Variants in ZNF532 observed in about 807,000 individuals in gnomAD.
The protein encoded by ZNF532 is zinc finger protein 532.
In ZNF532, 22 loss-of-function variants were observed where a neutral mutation model predicts 89.3. The observed-to-expected ratio is 0.25, with a 90% CI of 0.18 to 0.35. The LOEUF is 0.35. ZNF532 is among the 10% of genes least tolerant of loss of function. The pLI, the probability that ZNF532 is intolerant of heterozygous loss-of-function variation, is 1.00. For missense variants in ZNF532, 1,132 were observed against 1,643.4 expected (o/e 0.69, Z 5.38); for synonymous variants, 606 against 649.6 (o/e 0.93, Z 1.02).
intron 2 of ZNF532, among the ~76,000 whole-genome samples, chr18:58,899,825 C>T (rs539350001): frequency 1.3e-5 from 2 of 152,296 alleles, no homozygotes; most frequent in Admixed American, 6.5e-5. Context: ...AATTTTCATA[C>T]CTTTTCTCTT....
In ZNF532 at chr18:58,889,729, C is replaced by T. The variant is rs547001497; in HGVS notation, c.-18+24150C>T. Reference sequence around the variant, plus strand: ...TGGAGGTTGCGGTGAGCCGAGGTCACGCCACTGCACTCCAGCCTGGGTGAC... The same window carrying T: ...TGGAGGTTGCGGTGAGCCGAGGTCATGCCACTGCACTCCAGCCTGGGTGAC... On this transcript the variant is annotated intron_variant, in intron 2 of 9. Coordinates refer to ENST00000591808, the MANE Select transcript of ZNF532 (RefSeq NM_001375912.1). 4.6e-5 allele frequency among the ~76,000 whole-genome samples: 7 copies of T among 151,334 alleles called. No homozygotes were observed. The South Asian group carries it at 8.4e-4, about 18-fold the overall frequency.
intron 4 of ZNF532, among the ~76,000 whole-genome samples, chr18:58,939,109 T>C (rs2062726800): frequency 6.6e-6 from 1 of 151,850 alleles, no homozygotes; most frequent in Admixed American, 6.6e-5. Flanking sequence ...TAATTGGGCA[T>C]GGTGGTACAC....
intron 2 of ZNF532, among the ~76,000 whole-genome samples, chr18:58,914,863 A>G (rs2060496701): frequency 6.6e-6 from 1 of 152,202 alleles, no homozygotes; most frequent in Non-Finnish European, 1.5e-5. Context: ...GAGAGGACTG[A>G]GATTTATTTT....
In ZNF532 at chr18:58,979,143, G is replaced by A; in HGVS notation, c.3239G>A (p.Gly1080Asp). Reference sequence around the variant, plus strand: ...CGGCACAACCGGATCAAGCACAAAGGCATCAGGAAAGTGTACGCCTGCTCG... The same window carrying A: ...CGGCACAACCGGATCAAGCACAAAGACATCAGGAAAGTGTACGCCTGCTCG... Reference protein sequence around the residue: ...LCRHNRIKHKGIRKVYACSHC... With the variant: ...LCRHNRIKHKDIRKVYACSHC... Residue 1080 changes from glycine to aspartate, a missense_variant, in exon 8 of 10, where the codon GGC (glycine) becomes GAC (aspartate). Physicochemically the swap from Gly to Asp is moderately conservative, Grantham distance 94 (BLOSUM62 -1). Around this residue, in one of 9 missense-constraint regions of ZNF532, gnomAD observed 415 missense variants for 604.8 expected, o/e 0.69. Transcript: ENST00000591808. The A allele has an allele frequency of 6.2e-7, 1 of 1,613,286 alleles. No homozygotes were observed. The highest frequency in any genetic ancestry group is 8.5e-7 in the Non-Finnish European group (1 of 1,179,318).
intron 7 of ZNF532, among the ~76,000 whole-genome samples, chr18:58,962,947 G>A (rs2065509729): frequency 6.6e-6 from 1 of 152,178 alleles, no homozygotes; most frequent in Non-Finnish European, 1.5e-5. Context: ...TGTTGTGGCA[G>A]GGCTGGGAAC....
At chr18:58,897,843 C>CTT (rs2059347951) in intron 2 of ZNF532, among the ~76,000 whole-genome samples, 1 of 152,128 alleles carries the variant, frequency 6.6e-6, no homozygotes, top group African/African-American at 2.4e-5. Flanking sequence ...ATCCCAGCTA[C>CTT]TTAGGAGGCT....
At chr18:58,981,868 G>A (rs947258884) in intron 9 of ZNF532, among the ~76,000 whole-genome samples, 4 of 151,578 alleles carry the variant, frequency 2.6e-5, no homozygotes, top group East Asian at 1.9e-4. Flanking sequence ...GCTTGGCGTG[G>A]TGGCGGGCTC....
chr18:58,873,231 A>T (rs895863526), intron 2 of ZNF532, among the ~76,000 whole-genome samples: 1 of 152,034 alleles, frequency 6.6e-6, no homozygotes, highest in African/African-American at 2.4e-5. Context: ...TATGTTGCCC[A>T]GGCTGGTCTC....
At chr18:58,891,744 T>C (rs2058917072) in intron 2 of ZNF532, among the ~76,000 whole-genome samples, 1 of 152,230 alleles carries the variant, frequency 6.6e-6, no homozygotes, top group Admixed American at 6.5e-5. Context: ...ACCTTCTCTG[T>C]TCTGACCAGT....
At chr18:58,888,531 C>T (rs2058460650) in intron 2 of ZNF532, among the ~76,000 whole-genome samples, 1 of 148,992 alleles carries the variant, frequency 6.7e-6, no homozygotes. Context: ...AAAAAATTAG[C>T]TGGGTGTGGT....
chr18:58,983,607 C>G (rs1414468503), intron 9 of ZNF532, among the ~76,000 whole-genome samples: 1 of 151,512 alleles, frequency 6.6e-6, no homozygotes, highest in Non-Finnish European at 1.5e-5. Context: ...ATACCCCCCC[C>G]TTGCTTCCCA....
intron 7 of ZNF532, among the ~76,000 whole-genome samples, chr18:58,975,646 T>C (rs780284526): frequency 6.6e-6 from 1 of 152,190 alleles, no homozygotes; most frequent in African/African-American, 2.4e-5. Context: ...CTTTCTTTCC[T>C]GAAGCTGTGA....
chr18:58,939,404 A>G lies in ZNF532; in HGVS notation c.2529-41A>G, dbSNP rs1332845276. On this transcript the variant is annotated intron_variant, in intron 4 of 9. Transcript: ENST00000591808. ...CAGTTTTTGCAGTTACACGTGTGTT[A>G]TGGTCTTGTGCTAATGACCGTGTGT... 4 of 1,570,174 alleles carry G rather than the reference A, an allele frequency of 2.5e-6. No homozygotes were observed. The East Asian group carries it at 6.8e-5, about 27-fold the overall frequency.
intron 2 of ZNF532, among the ~76,000 whole-genome samples, chr18:58,882,854 C>CAA (rs1362519370): frequency 6.6e-6 from 1 of 152,228 alleles, no homozygotes; most frequent in East Asian, 1.9e-4. Context: ...GCCCTGGATT[C>CAA]CCACTTTGAA....
intron 6 of ZNF532, among the ~76,000 whole-genome samples, chr18:58,951,295 T>G (rs977554862): frequency 2.6e-5 from 4 of 152,164 alleles, no homozygotes; most frequent in African/African-American, 7.2e-5. Context: ...CAGTGTAACT[T>G]GTTGCTTCTT....
At chr18:58,900,230 T>A (rs1217508358) in intron 2 of ZNF532, among the ~76,000 whole-genome samples, 1 of 152,220 alleles carries the variant, frequency 6.6e-6, no homozygotes, top group East Asian at 1.9e-4. Flanking sequence ...ATCGCAGCAG[T>A]CAGCATCCGG....
intron 5 of ZNF532, among the ~76,000 whole-genome samples, chr18:58,944,269 T>C (rs1412003459): frequency 1.3e-5 from 2 of 152,212 alleles, no homozygotes; most frequent in East Asian, 3.8e-4. Context: ...GGAGAGTTTG[T>C]TGCTGTAAAT....
intron 4 of ZNF532, 91 bp from the exon 5 acceptor site, chr18:58,939,354 G>A (rs998576138): frequency 9.2e-6 from 10 of 1,082,284 alleles, no homozygotes; most frequent in Admixed American, 2.6e-5. Context: ...ACCTAAAAGG[G>A]CTATGAAAGT....
At chr18:58,976,991 G>A (rs2067132609) in intron 7 of ZNF532, among the ~76,000 whole-genome samples, 1 of 152,214 alleles carries the variant, frequency 6.6e-6, no homozygotes, top group African/African-American at 2.4e-5. Flanking sequence ...GTTAGGGATT[G>A]CTGCTGGCCT....
Sources: allele counts gnomAD v4.1 joint callset (sites outside exome capture counted in the v4.1 genomes callset), GRCh38; gene constraint gnomAD v4.1.1; regional missense constraint gnomAD v4.1.1; transcripts MANE v1.5; gene names NCBI Gene and HGNC (gene_info 2026-07-23, HGNC 2026-07-21).